The following CLDN10 variants were observed in gnomAD, a reference collection of about 807,000 sequenced individuals.
The protein encoded by CLDN10 is claudin 10.
Under a neutral mutation model 22.9 loss-of-function variants are expected in CLDN10, and 15 were observed. That is an observed-to-expected ratio of 0.65 (90% CI 0.44 to 1.01). The LOEUF (loss-of-function observed/expected upper bound fraction) is 1.01, where lower values mean the gene tolerates loss of function less well. CLDN10 is among the 50% of genes least tolerant of loss of function. The probability of loss-of-function intolerance (pLI) is 0.00; values close to 1 mark genes in which losing one functional copy is unlikely to be tolerated. For synonymous variants in CLDN10, 114 were observed against 111.4 expected, an observed-to-expected ratio of 1.02 and a Z score of -0.15; for missense variants, 247 against 287.8, an observed-to-expected ratio of 0.86 and a Z score of 1.03.
chr13:95,547,339 G>C (rs1269425264), intron 1 of CLDN10, among the ~76,000 whole-genome samples: 1 of 151,978 alleles, frequency 6.6e-6, no homozygotes, highest in Non-Finnish European at 1.5e-5. Flanking sequence ...TTCCATGTTG[G>C]CATTCGACTC....
At chr13:95,475,038 G>C (rs2042672490) in intron 1 of CLDN10, among the ~76,000 whole-genome samples, 1 of 152,204 alleles carries the variant, frequency 6.6e-6, no homozygotes, top group Non-Finnish European at 1.5e-5. Context: ...TTCACAGACA[G>C]AGTGAATTGG....
chr13:95,491,741 T>C (rs138203932), intron 1 of CLDN10, among the ~76,000 whole-genome samples: 47 of 152,208 alleles, frequency 3.1e-4, no homozygotes, highest in African/African-American at 1.0e-3. Flanking sequence ...TGAACAGCCT[T>C]GTTTTGTCAT....
At chr13:95,469,922 T>C (rs1274604916) in intron 1 of CLDN10, among the ~76,000 whole-genome samples, 1 of 152,222 alleles carries the variant, frequency 6.6e-6, no homozygotes, top group East Asian at 1.9e-4. Context: ...GGAGACACTA[T>C]GTCAAACATT....
intron 1 of CLDN10, among the ~76,000 whole-genome samples, chr13:95,465,121 G>T (rs2139094317): frequency 6.6e-6 from 1 of 152,276 alleles, no homozygotes. Context: ...CATGGCAGAA[G>T]GCAAAAGACA....
At chr13:95,438,105 G>C (rs1285609473) in intron 1 of CLDN10, among the ~76,000 whole-genome samples, 1 of 152,214 alleles carries the variant, frequency 6.6e-6, no homozygotes, top group Non-Finnish European at 1.5e-5. Flanking sequence ...CCAGGCTGGA[G>C]TGCAGTGGCA....
chr13:95,544,074 TCAA>T (rs1025451818), intron 1 of CLDN10, among the ~76,000 whole-genome samples: 5 of 152,186 alleles, frequency 3.3e-5, no homozygotes, highest in African/African-American at 1.2e-4. Context: ...AAAATTAAAT[TCAA>T]CAACATTTAG....
At chr13:95,503,175 G>T (rs541182096) in intron 1 of CLDN10, among the ~76,000 whole-genome samples, 14 of 152,070 alleles carry the variant, frequency 9.2e-5, no homozygotes, top group Non-Finnish European at 2.1e-4. Flanking sequence ...TAAATATTTT[G>T]ATCTCAAGAC....
At chr13:95,482,739 G>A (rs1250663261) in intron 1 of CLDN10, among the ~76,000 whole-genome samples, 1 of 152,236 alleles carries the variant, frequency 6.6e-6, no homozygotes, top group Non-Finnish European at 1.5e-5. Flanking sequence ...CACTTTGGGA[G>A]GCTGAGGTGG....
At chr13:95,538,522 T>C (rs1254777089) in intron 1 of CLDN10, among the ~76,000 whole-genome samples, 1 of 152,206 alleles carries the variant, frequency 6.6e-6, no homozygotes, top group Non-Finnish European at 1.5e-5. Context: ...TGATTCATCA[T>C]ATTGATTTCC....
chr13:95,464,538 T>A (rs866873739), intron 1 of CLDN10, among the ~76,000 whole-genome samples: 3 of 152,262 alleles, frequency 2.0e-5, no homozygotes, highest in African/African-American at 7.2e-5. Flanking sequence ...TCTTTGCTAT[T>A]GTGAGTAGTG....
intron 1 of CLDN10, among the ~76,000 whole-genome samples, chr13:95,472,237 C>T (rs999832797): frequency 2.6e-5 from 4 of 152,118 alleles, no homozygotes; most frequent in African/African-American, 9.7e-5. Context: ...CCAGTGATAG[C>T]AAGCAGCCCT....
chr13:95,553,288 C>T (rs961716761), intron 1 of CLDN10, among the ~76,000 whole-genome samples: 1 of 152,116 alleles, frequency 6.6e-6, no homozygotes, highest in African/African-American at 2.4e-5. Context: ...GAAGCGGCTG[C>T]CCTCCCCCAC....
At chr13:95,455,180 T>A (rs1336701087) in intron 1 of CLDN10, among the ~76,000 whole-genome samples, 1 of 151,904 alleles carries the variant, frequency 6.6e-6, no homozygotes, top group African/African-American at 2.4e-5. Flanking sequence ...AAGGATTATT[T>A]TCTATAGCCT....
At chr13:95,501,259 C>T (rs2042981444) in intron 1 of CLDN10, among the ~76,000 whole-genome samples, 1 of 152,146 alleles carries the variant, frequency 6.6e-6, no homozygotes, top group South Asian at 2.1e-4. Context: ...ACTGATCCAC[C>T]CGACTTGGCC....
intron 1 of CLDN10, chr13:95,434,169 A>C (rs899333892): frequency 1.2e-6 from 1 of 807,456 alleles, no homozygotes; most frequent in Admixed American, 2.2e-5. Context: ...TCAAAGTGCC[A>C]AGATTTGCCT....
At chr13:95,551,984 G>A (rs1299560305), upstream of CLDN10, among the ~76,000 whole-genome samples, 2 of 152,228 alleles carry the variant, frequency 1.3e-5, no homozygotes, top group African/African-American at 4.8e-5. Context: ...GACCTACAGG[G>A]AAAATGTGTT....
intron 1 of CLDN10, among the ~76,000 whole-genome samples, chr13:95,491,301 C>T (rs924494210): frequency 4.6e-5 from 7 of 151,846 alleles, no homozygotes; most frequent in African/African-American, 1.7e-4. Context: ...ATTGATTATT[C>T]TTAGGTTTGG....
At position 95,578,212 on chromosome 13, in the gene CLDN10, TA is replaced by T; in HGVS notation, c.*204del. Reference sequence around the variant, plus strand: ...AATCATTTTCTGTTGTGGCTTTCTATAAAAAATAAACAGTTTATTTACAGGA... The same window carrying T: ...AATCATTTTCTGTTGTGGCTTTCTATAAAAATAAACAGTTTATTTACAGGA... On this transcript the variant is annotated 3_prime_UTR_variant, in exon 5 of 5. Coordinates refer to ENST00000299339, the MANE Select transcript of CLDN10 (RefSeq NM_006984.5). 1 of 389,840 alleles carries T rather than the reference TA, an allele frequency of 2.6e-6. No individual in the cohort carries two copies. The highest frequency in any genetic ancestry group is 4.5e-4 in the Middle Eastern group (1 of 2,222). 24.1% of individuals were successfully genotyped at this position (389,840 alleles called of 1,614,324 possible).
intron 1 of CLDN10, among the ~76,000 whole-genome samples, chr13:95,487,980 A>AT (rs60870781): frequency 0.58 from 87,380 of 149,548 alleles, 26,447 homozygotes; most frequent in African/African-American, 0.76. Context: ...GCCTGGCCTA[A>AT]TTTTTTTTCT....
Sources: allele counts gnomAD v4.1 joint callset (sites outside exome capture counted in the v4.1 genomes callset), GRCh38; gene constraint gnomAD v4.1.1; transcripts MANE v1.5; gene names NCBI Gene and HGNC (gene_info 2026-07-23, HGNC 2026-07-21).